The following CAMK2G variants were observed in gnomAD, a reference collection of about 807,000 sequenced individuals.
CAMK2G encodes the protein calcium/calmodulin dependent protein kinase II gamma, also known as calcium/calmodulin-dependent protein kinase type II subunit gamma.
In CAMK2G, 23 loss-of-function variants were observed where a neutral mutation model predicts 88.7. The observed-to-expected ratio is 0.26, with a 90% CI of 0.19 to 0.37. The LOEUF is 0.37. CAMK2G is among the 10% of genes least tolerant of loss of function. The pLI, the probability that CAMK2G is intolerant of heterozygous loss-of-function variation, is 1.00. For missense variants in CAMK2G, 476 were observed against 780.8 expected, an observed-to-expected ratio of 0.61 and a Z score of 4.65; for synonymous variants, 263 against 294.8, an observed-to-expected ratio of 0.89 and a Z score of 1.11.
At chr10:73,873,217 G>T in intron 1 of CAMK2G, 134 bp from the exon 2 acceptor site, 2 of 956,424 alleles carry the variant, frequency 2.1e-6, no homozygotes, top group Non-Finnish European at 3.3e-6. Context: ...ACACACCGGC[G>T]CTGTGACCAC....
At chr10:73,860,295 C>T (rs2095313828) in intron 3 of CAMK2G, among the ~76,000 whole-genome samples, 1 of 152,134 alleles carries the variant, frequency 6.6e-6, no homozygotes, top group South Asian at 2.1e-4. Context: ...TTTCTCCTTC[C>T]CCATCTGAGT....
intron 2 of CAMK2G, among the ~76,000 whole-genome samples, chr10:73,863,491 C>T (rs1349912533): frequency 6.6e-6 from 1 of 152,242 alleles, no homozygotes; most frequent in Non-Finnish European, 1.5e-5. Context: ...ACCAAGCCAG[C>T]CAGCCCCAAA....
intron 1 of CAMK2G, among the ~76,000 whole-genome samples, chr10:73,873,892 G>C (rs2095960867): frequency 1.1e-5 from 1 of 92,808 alleles, no homozygotes; most frequent in Non-Finnish European, 2.1e-5. Context: ...GGACGGGGGT[G>C]CCGCAGCACT....
chr10:73,841,790 T>C (rs1290836876), intron 12 of CAMK2G: 1 of 184,894 alleles, frequency 5.4e-6, no homozygotes, highest in Non-Finnish European at 1.1e-5. Context: ...AATTTGGCAA[T>C]TGAGAAGACT....
At chr10:73,829,749 C>T (rs2092080441) in intron 14 of CAMK2G, among the ~76,000 whole-genome samples, 1 of 147,140 alleles carries the variant, frequency 6.8e-6, no homozygotes, top group Non-Finnish European at 1.5e-5. Context: ...CTCCTTATCC[C>T]TTTACCCAAC....
At position 73,817,087 on chromosome 10, in the gene CAMK2G, A is replaced by C; in HGVS notation, c.1470T>G (p.Phe490Leu). 6.2e-7 allele frequency: 1 copy of C among 1,613,600 alleles called. No individual in the cohort carries two copies. Among genetic ancestry groups the C allele is most frequent in the Non-Finnish European group, 8.5e-7 (1 of 1,179,550 alleles). Residue 490 changes from phenylalanine to leucine, a missense_variant, in exon 21 of 23, where the codon TTT becomes TTG. By Grantham distance (22) the Phe-to-Leu change is conservative. This residue lies in a region of CAMK2G where 278 missense variants were observed against 366.5 expected (regional missense o/e 0.76). Transcript: ENST00000423381. Reference sequence around the variant, plus strand: ...CGAGGTTACCAAGGGCCTCAGGCTCAAAGGAAGTGAGGCCTGGATCACAAA... The same window carrying C: ...CGAGGTTACCAAGGGCCTCAGGCTCCAAGGAAGTGAGGCCTGGATCACAAA... Reference protein sequence around the residue: ...TKICDPGLTSFEPEALGNLVE... With the variant: ...TKICDPGLTSLEPEALGNLVE...
At chr10:73,816,961 G>A in intron 21 of CAMK2G, 62 bp downstream of exon 21, 2 of 1,613,664 alleles carry the variant, frequency 1.2e-6, no homozygotes, top group Non-Finnish European at 8.5e-7. Context: ...AGGTGAGCAG[G>A]AGACAGAGAC....
At chr10:73,850,428 C>A (rs772780906) in intron 5 of CAMK2G, among the ~76,000 whole-genome samples, 111 of 152,342 alleles carry the variant, frequency 7.3e-4, no homozygotes, top group Non-Finnish European at 1.1e-3. Context: ...GCCCGCCCCC[C>A]CCCACCGCAG....
intron 14 of CAMK2G, chr10:73,837,252 T>A: frequency 1.6e-6 from 1 of 617,880 alleles, no homozygotes; most frequent in Non-Finnish European, 2.9e-6. Context: ...TCACTTCCCC[T>A]GAGTCATTCC....
chr10:73,823,942 C>T, intron 17 of CAMK2G, 98 bp downstream of exon 17: 2 of 910,222 alleles, frequency 2.2e-6, no homozygotes, highest in East Asian at 2.4e-5. Context: ...CCTCTGCAAA[C>T]ACCTTGGCCT....
intron 15 of CAMK2G, among the ~76,000 whole-genome samples, chr10:73,827,548 C>A (rs1309406613): frequency 2.6e-5 from 4 of 152,132 alleles, no homozygotes; most frequent in Non-Finnish European, 5.9e-5. Flanking sequence ...TGCCCAGTGT[C>A]CCGTGAGAAA....
chr10:73,815,324 G>T, intron 21 of CAMK2G, 77 bp from the exon 22 acceptor site: 1 of 962,328 alleles, frequency 1.0e-6, no homozygotes, highest in Non-Finnish European at 1.6e-6. Flanking sequence ...GCACTTCCAA[G>T]TCTTACCATC....
chr10:73,827,260 C>T (rs1565229772), intron 15 of CAMK2G, among the ~76,000 whole-genome samples: 1 of 152,234 alleles, frequency 6.6e-6, no homozygotes, highest in Non-Finnish European at 1.5e-5. Context: ...GATCTCGGCT[C>T]ACTGCAAGCT....
intron 14 of CAMK2G, 81 bp from the exon 15 acceptor site, chr10:73,828,202 C>A: frequency 8.6e-7 from 1 of 1,163,156 alleles, no homozygotes. Flanking sequence ...CAGGTTAGCG[C>A]ACCAGTGTGG....
chr10:73,834,557 C>G (rs895005233), intron 14 of CAMK2G, among the ~76,000 whole-genome samples: 2 of 152,222 alleles, frequency 1.3e-5, no homozygotes, highest in African/African-American at 4.8e-5. Flanking sequence ...TCTTTTCCCC[C>G]TACCTCTCTG....
intron 20 of CAMK2G, 33 bp from the exon 21 acceptor site, chr10:73,817,150 G>T: frequency 6.3e-7 from 1 of 1,576,480 alleles, no homozygotes; most frequent in Non-Finnish European, 8.6e-7. Flanking sequence ...AGCCTATCAG[G>T]CTTCTATGGA....
rs2133399178 is a variant in CAMK2G at position 73,821,713 on chromosome 10, G to A, written c.1218C>T (p.Cys406=). The part of the protein sequence containing the change: ...TDGIKGSTES[C]NTTTEDEDLK... ...GGTCCTCATCTTCTGTGGTGGTGTT[G>A]CAGCTCTCTGTGGAGCCCTGTAGGC... Residue 406 remains cysteine (C), a synonymous_variant, in exon 18 of 23, where the codon TGC becomes TGT. Transcript: ENST00000423381. 1 of 1,611,750 alleles carries A rather than the reference G, an allele frequency of 6.2e-7. No individual in the cohort carries two copies. The highest frequency in any genetic ancestry group is 2.2e-5 in the East Asian group (1 of 44,880).
chr10:73,873,260 A>G (rs1284869516), intron 1 of CAMK2G, 177 bp from the exon 2 acceptor site: 3 of 1,118,574 alleles, frequency 2.7e-6, no homozygotes, highest in South Asian at 1.5e-5. Flanking sequence ...GGACGCGGCC[A>G]CCGCAGGACA....
intron 5 of CAMK2G, 120 bp from the exon 6 acceptor site, chr10:73,849,453 T>G: frequency 1.5e-6 from 1 of 677,936 alleles, no homozygotes. Flanking sequence ...AGAGAATCAC[T>G]TAACGGCCAC....
Sources: allele counts gnomAD v4.1 joint callset (sites outside exome capture counted in the v4.1 genomes callset), GRCh38; gene constraint gnomAD v4.1.1; regional missense constraint gnomAD v4.1.1; transcripts MANE v1.5; gene names NCBI Gene and HGNC (gene_info 2026-07-23, HGNC 2026-07-21).